Variants in NSF observed in about 807,000 individuals in gnomAD.
NSF encodes the protein N-ethylmaleimide sensitive factor, vesicle fusing ATPase, also known as vesicle-fusing ATPase.
Under a neutral mutation model 50.3 loss-of-function variants are expected in NSF, and 14 were observed. The observed-to-expected ratio is 0.28, with a 90% CI of 0.18 to 0.44. NSF has a LOEUF of 0.44. Ranked by LOEUF, NSF falls within the 20% of genes least tolerant of loss-of-function variation. The pLI is 1.00. For missense variants in NSF, 218 were observed against 504.3 expected (o/e 0.43, Z 5.44); for synonymous variants, 109 against 175.7 (o/e 0.62, Z 3.00).
At chr17:46,752,911 C>T (rs1205704514) in intron 19 of NSF, among the ~76,000 whole-genome samples, 1 of 151,970 alleles carries the variant, frequency 6.6e-6, no homozygotes, top group Non-Finnish European at 1.5e-5. Flanking sequence ...GGATTACAGG[C>T]GCCCACCCAC....
At position 46,739,156 on chromosome 17, in the gene NSF, G is replaced by A. The variant is rs542008003; in HGVS notation, c.1908+10222G>A. On this transcript the variant is annotated intron_variant, in intron 17 of 20. Coordinates refer to ENST00000398238, the MANE Select transcript of NSF (RefSeq NM_006178.4). ...AGGCCAAGGTAGGTGGATCATTCAAGGTCAGGAGTTCGAGACCAGCCTGGC... is the reference window on the plus strand; with the variant it reads ...AGGCCAAGGTAGGTGGATCATTCAAAGTCAGGAGTTCGAGACCAGCCTGGC... 1.2e-3 allele frequency among the ~76,000 whole-genome samples: 181 copies of A among 152,286 alleles called. 2 individuals are homozygous for A. In the Middle Eastern group the frequency reaches 0.027, roughly 23 times the overall value.
intron 12 of NSF, among the ~76,000 whole-genome samples, chr17:46,695,296 G>C (rs1290401773): frequency 1.5e-5 from 2 of 137,118 alleles, no homozygotes; most frequent in Non-Finnish European, 3.1e-5. Context: ...GAGTTTCCAC[G>C]TACTAGAATT....
chr17:46,709,266 TAAC>T (rs1294961997), intron 13 of NSF, among the ~76,000 whole-genome samples: 5 of 152,164 alleles, frequency 3.3e-5, no homozygotes, highest in East Asian at 1.9e-4. Flanking sequence ...AAGATTTTTT[TAAC>T]AACAAGTAAT....
chr17:46,744,018 CTTG>C (rs1338818190), intron 17 of NSF, among the ~76,000 whole-genome samples: 3 of 152,146 alleles, frequency 2.0e-5, no homozygotes, highest in Non-Finnish European at 4.4e-5. Flanking sequence ...CCAGTGCCTA[CTTG>C]TTGTCATTGT....
chr17:46,721,941 G>T, intron 15 of NSF: 1 of 1,600,024 alleles, frequency 6.2e-7, no homozygotes, highest in Non-Finnish European at 8.6e-7. Context: ...AGCCGGACTT[G>T]GATTTTCTGG....
At chr17:46,748,070 A>T (rs2059148473) in intron 17 of NSF, among the ~76,000 whole-genome samples, 1 of 152,224 alleles carries the variant, frequency 6.6e-6, no homozygotes, top group Admixed American at 6.5e-5. Flanking sequence ...CAGTGCCTTC[A>T]AAATTGTGAG....
chr17:46,710,910 G>A, intron 13 of NSF, 53 bp from the exon 14 acceptor site: 1 of 1,490,780 alleles, frequency 6.7e-7, no homozygotes. Context: ...CTTTTATACT[G>A]TTAGTTTTTA....
intron 13 of NSF, among the ~76,000 whole-genome samples, chr17:46,710,022 A>G (rs1292795537): frequency 6.6e-6 from 1 of 152,240 alleles, no homozygotes; most frequent in Non-Finnish European, 1.5e-5. Context: ...TTTCAAAGAC[A>G]GTATTACAAA....
At chr17:46,605,275 C>T (rs2057944091) in intron 1 of NSF, among the ~76,000 whole-genome samples, 1 of 68,934 alleles carries the variant, frequency 1.5e-5, no homozygotes, top group Non-Finnish European at 2.9e-5. Context: ...GTGGAGAAAC[C>T]CTGTCTCTAC....
chr17:46,716,825 T>C lies in NSF; in HGVS notation c.1761+2839T>C, dbSNP rs898386986. Among the ~76,000 whole-genome samples, 16 of 152,298 alleles carry C rather than the reference T, an allele frequency of 1.1e-4. 1 individual carries two copies. The Middle Eastern group carries it at 0.01, about 97-fold the overall frequency. On this transcript the variant is annotated intron_variant, in intron 15 of 20. Transcript: ENST00000398238. Reference sequence around the variant, plus strand: ...ACATGAACACATATACCCCCTCCCTTATATATTGGGGATTACATTGAAACA... The same window carrying C: ...ACATGAACACATATACCCCCTCCCTCATATATTGGGGATTACATTGAAACA...
chr17:46,755,418 T>C (rs2059223263), intron 20 of NSF, 49 bp downstream of exon 20: 1 of 1,418,140 alleles, frequency 7.1e-7, no homozygotes, highest in Non-Finnish European at 1.0e-6. Context: ...TACCACCCTG[T>C]TAAATCCCTG....
At position 46,754,119 on chromosome 17, in the gene NSF, G is replaced by A. The variant is rs922956083; in HGVS notation, c.2158-1195G>A. 2.0e-5 allele frequency among the ~76,000 whole-genome samples: 3 copies of A among 146,448 alleles called. No individual in the cohort carries two copies. The East Asian group carries it at 6.1e-4, about 30-fold the overall frequency. Reference sequence around the variant, plus strand: ...ATATTTAATGGGCAAAGAACTGCAAGTACCAACTACAACTGCGCTCCAGCC... The same window carrying A: ...ATATTTAATGGGCAAAGAACTGCAAATACCAACTACAACTGCGCTCCAGCC... On this transcript the variant is annotated intron_variant, in intron 19 of 20. Coordinates refer to ENST00000398238, the MANE Select transcript of NSF (RefSeq NM_006178.4).
At chr17:46,681,599 A>G (rs1185582530) in intron 9 of NSF, among the ~76,000 whole-genome samples, 1 of 150,646 alleles carries the variant, frequency 6.6e-6, no homozygotes, top group Non-Finnish European at 1.5e-5. Context: ...GAATTAATCT[A>G]TCCTACCATT....
intron 15 of NSF, among the ~76,000 whole-genome samples, chr17:46,717,727 T>G (rs1014921914): frequency 6.6e-6 from 1 of 151,716 alleles, no homozygotes; most frequent in African/African-American, 2.4e-5. Context: ...TAAAATAAAA[T>G]AATGTGTCGT....
intron 17 of NSF, among the ~76,000 whole-genome samples, chr17:46,749,323 A>G (rs1194952975): frequency 6.6e-6 from 1 of 152,208 alleles, no homozygotes; most frequent in East Asian, 1.9e-4. Context: ...TTTACAGTTC[A>G]GTGTTGCATA....
intron 20 of NSF, 184 bp downstream of exon 20, chr17:46,755,553 C>G: frequency 1.5e-6 from 1 of 689,300 alleles, no homozygotes; most frequent in Non-Finnish European, 2.4e-6. Context: ...TCTCCCTGTC[C>G]TGCTTCGCAA....
chr17:46,746,444 A>T (rs2059130079), intron 17 of NSF, among the ~76,000 whole-genome samples: 1 of 152,218 alleles, frequency 6.6e-6, no homozygotes, highest in Admixed American at 6.5e-5. Context: ...GTAGTGGTAT[A>T]ATGTTTACCA....
intron 17 of NSF, among the ~76,000 whole-genome samples, chr17:46,747,109 C>G (rs1483249130): frequency 6.6e-6 from 1 of 152,104 alleles, no homozygotes; most frequent in Non-Finnish European, 1.5e-5. Context: ...TAGTGAAGCC[C>G]CCCGACACAG....
In NSF at chr17:46,694,457, T is replaced by C. The variant is rs1421311263; in HGVS notation, c.1187-18T>C. 3 of 797,488 alleles carry C rather than the reference T, an allele frequency of 3.8e-6. No homozygotes were observed. The Middle Eastern group carries it at 7.8e-4, about 206-fold the overall frequency. The allele number at this position is 797,488 out of a possible 1,614,324, so 49.4% of individuals were successfully genotyped here. On this transcript the variant is annotated intron_variant, in intron 11 of 20. Coordinates refer to ENST00000398238, the MANE Select transcript of NSF (RefSeq NM_006178.4). Reference sequence around the variant, plus strand: ...TTCGAGACTAGGAAAATGCCTATTTTATTTTTAATTTCATCAGGCTTGCCA... The same window carrying C: ...TTCGAGACTAGGAAAATGCCTATTTCATTTTTAATTTCATCAGGCTTGCCA...
Sources: gnomAD v4.1 joint callset for allele counts (sites outside exome capture counted in the v4.1 genomes callset) on GRCh38, gnomAD v4.1.1 for gene constraint, MANE v1.5 for transcripts, NCBI Gene and HGNC (gene_info 2026-07-23, HGNC 2026-07-21) for gene names.